INTS9: variants seen among roughly 807,000 people sequenced by gnomAD.
The protein encoded by INTS9 is protein related to CPSF subunits of 74 kDa.
INTS9 carries 55 observed loss-of-function variants against 79.7 expected under a neutral mutation model. The observed-to-expected ratio is 0.69, with a 90% CI of 0.56 to 0.86. The LOEUF is 0.86. Ranked by LOEUF, INTS9 falls within the 40% of genes least tolerant of loss-of-function variation. The pLI, the probability that INTS9 is intolerant of heterozygous loss-of-function variation, is 0.00. For missense variants in INTS9, 721 were observed against 831.5 expected, an observed-to-expected ratio of 0.87 and a Z score of 1.64; for synonymous variants, 319 against 325.2, an observed-to-expected ratio of 0.98 and a Z score of 0.20.
intron 5 of INTS9, among the ~76,000 whole-genome samples, chr8:28,836,634 G>A (rs560709823): frequency 6.6e-6 from 1 of 152,250 alleles, no homozygotes; most frequent in African/African-American, 2.4e-5. Flanking sequence ...CTGGTGTCCT[G>A]GATGTAGCTT....
chr8:28,847,794 G>C (rs73669457), intron 3 of INTS9, among the ~76,000 whole-genome samples: 1,567 of 152,304 alleles, frequency 0.01, 28 homozygotes, highest in African/African-American at 0.034. Flanking sequence ...AAAGGAAGGT[G>C]ACAGATAATG....
At chr8:28,882,484 TAAAATAAAATAAAAA>T (rs1809924270) in intron 1 of INTS9, among the ~76,000 whole-genome samples, 1 of 44,834 alleles carries the variant, frequency 2.2e-5, no homozygotes, top group Non-Finnish European at 4.5e-5. Context: ...AGAAATAAAA[TAAAATAAAATAAAAA>T]AAAAAGAAAT....
chr8:28,833,266 CA>C (rs1248058667), intron 6 of INTS9, among the ~76,000 whole-genome samples: 3 of 152,020 alleles, frequency 2.0e-5, no homozygotes. Context: ...AAAGAGAAAT[CA>C]GTGCCAACTG....
At chr8:28,794,825 A>G (rs1439970684) in intron 9 of INTS9, among the ~76,000 whole-genome samples, 1 of 152,202 alleles carries the variant, frequency 6.6e-6, no homozygotes, top group Non-Finnish European at 1.5e-5. Flanking sequence ...TGCATTTTTA[A>G]TAAGTAATCC....
At chr8:28,832,050 T>A (rs1248767986) in intron 6 of INTS9, among the ~76,000 whole-genome samples, 1 of 152,070 alleles carries the variant, frequency 6.6e-6, no homozygotes, top group Non-Finnish European at 1.5e-5. Context: ...GCCAAAATTA[T>A]TTGCAGCAAA....
At chr8:28,874,368 C>CA (rs1029744119) in intron 1 of INTS9, among the ~76,000 whole-genome samples, 1 of 151,792 alleles carries the variant, frequency 6.6e-6, no homozygotes, top group Admixed American at 6.6e-5. Flanking sequence ...CGGCTCACTG[C>CA]AAGCTCCTCT....
At chr8:28,837,847 C>T (rs1008605189) in intron 4 of INTS9, 71 bp from the exon 5 acceptor site, 9 of 1,432,942 alleles carry the variant, frequency 6.3e-6, no homozygotes, top group Admixed American at 2.0e-5. Flanking sequence ...TAAAAAACGA[C>T]GTTGTCAGAA....
intron 10 of INTS9, among the ~76,000 whole-genome samples, chr8:28,789,296 C>G (rs1480738442): frequency 6.6e-6 from 1 of 152,120 alleles, no homozygotes; most frequent in Non-Finnish European, 1.5e-5. Flanking sequence ...TGAAGCCCAC[C>G]TACATAATGC....
chr8:28,828,589 C>T (rs571485561), intron 6 of INTS9, among the ~76,000 whole-genome samples: 4 of 152,292 alleles, frequency 2.6e-5, no homozygotes, highest in Admixed American at 1.3e-4. Context: ...GACCTCCGAG[C>T]ACACACTTCT....
At chr8:28,812,592 T>G in intron 7 of INTS9, 131 bp from the exon 8 acceptor site, 1 of 984,176 alleles carries the variant, frequency 1.0e-6, no homozygotes, top group Non-Finnish European at 1.5e-6. Context: ...AACCAGAGAC[T>G]GGGTGCAATG....
intron 1 of INTS9, among the ~76,000 whole-genome samples, chr8:28,869,216 G>A (rs1808934427): frequency 6.6e-6 from 1 of 152,080 alleles, no homozygotes; most frequent in African/African-American, 2.4e-5. Flanking sequence ...CTTTCAAAAA[G>A]TTTAAAATAG....
chr8:28,851,203 A>C (rs1807810834), intron 2 of INTS9, among the ~76,000 whole-genome samples: 1 of 150,990 alleles, frequency 6.6e-6, no homozygotes, highest in Non-Finnish European at 1.5e-5. Flanking sequence ...GCGGGACTAA[A>C]AGAATCAGAA....
intron 6 of INTS9, among the ~76,000 whole-genome samples, chr8:28,825,960 G>A (rs1031569282): frequency 1.3e-5 from 2 of 152,084 alleles, no homozygotes; most frequent in South Asian, 2.1e-4. Context: ...ATAAACTTAC[G>A]TTCTACAATC....
chr8:28,801,333 C>T (rs1804505078), intron 8 of INTS9, among the ~76,000 whole-genome samples: 1 of 151,818 alleles, frequency 6.6e-6, no homozygotes, highest in African/African-American at 2.4e-5. Flanking sequence ...ACAAAAAATA[C>T]AAAAAAATTA....
At chr8:28,785,113 T>C (rs919280712) in intron 11 of INTS9, among the ~76,000 whole-genome samples, 2 of 152,254 alleles carry the variant, frequency 1.3e-5, no homozygotes, top group South Asian at 2.1e-4. Context: ...ACAGAAATCA[T>C]GCTGCTTTCT....
Position 28,813,619 on chromosome 8 carries a change from A to C in INTS9, c.489-7T>G. ...GAGAGGAGAAGGTAACAGCCTGCAAATGGATCACAATGTCAACTACCAGGT... is the reference window on the plus strand; with the variant it reads ...GAGAGGAGAAGGTAACAGCCTGCAACTGGATCACAATGTCAACTACCAGGT... On this transcript the variant is annotated splice_polypyrimidine_tract_variant and splice_region_variant and intron_variant, in intron 6 of 16. Transcript: ENST00000521022. 6.2e-7 allele frequency: 1 copy of C among 1,612,404 alleles called. No homozygotes were observed. Among genetic ancestry groups the C allele is most frequent in the Non-Finnish European group, 8.5e-7 (1 of 1,179,504 alleles).
At chr8:28,881,858 C>A (rs1283883768) in intron 1 of INTS9, among the ~76,000 whole-genome samples, 12 of 143,984 alleles carry the variant, frequency 8.3e-5, no homozygotes, top group Non-Finnish European at 1.2e-4. Context: ...GCCCGGCCAG[C>A]CGCCCCATCC....
At chr8:28,804,027 G>A (rs563477900) in intron 8 of INTS9, among the ~76,000 whole-genome samples, 100 of 152,166 alleles carry the variant, frequency 6.6e-4, no homozygotes, top group African/African-American at 2.3e-3. Context: ...TAACTCAAGC[G>A]ATCCTCCCAC....
chr8:28,773,081 T>C (rs778180428), intron 14 of INTS9, among the ~76,000 whole-genome samples: 3 of 152,154 alleles, frequency 2.0e-5, no homozygotes, highest in African/African-American at 7.2e-5. Context: ...AATTTTCTTA[T>C]GGAAATAAAC....
Sources: gnomAD v4.1 joint callset for allele counts (sites outside exome capture counted in the v4.1 genomes callset) on GRCh38, gnomAD v4.1.1 for gene constraint, MANE v1.5 for transcripts, NCBI Gene and HGNC (gene_info 2026-07-23, HGNC 2026-07-21) for gene names.